SLC35D1: variants seen among roughly 807,000 people sequenced by gnomAD.
SLC35D1 encodes nucleotide sugar transporter SLC35D1.
In SLC35D1, 31 loss-of-function variants were observed where a neutral mutation model predicts 46.7. The ratio of observed to expected loss-of-function variants is 0.66; its 90% CI spans 0.50 to 0.90. The LOEUF (loss-of-function observed/expected upper bound fraction) is 0.90, where lower values mean the gene tolerates loss of function less well. SLC35D1 is among the 40% of genes least tolerant of loss of function. SLC35D1 has a pLI of 0.00. For missense variants in SLC35D1, 397 were observed against 426.2 expected (o/e 0.93, Z 0.60); for synonymous variants, 195 against 164.6 (o/e 1.18, Z -1.41).
chr1:67,021,390 C>A, intron 9 of SLC35D1, 145 bp downstream of exon 9: 1 of 865,044 alleles, frequency 1.2e-6, no homozygotes, highest in Non-Finnish European at 1.9e-6. Flanking sequence ...TTCCCAAGAG[C>A]TATGAAACCA....
At chr1:66,991,307 T>C in the SLC35D1 span, among the ~76,000 whole-genome samples, 1 of 152,188 alleles carries the variant, frequency 6.6e-6, no homozygotes, top group African/African-American at 2.4e-5. Context: ...CTAAAGCCTG[T>C]TGATTTGGGG....
chr1:67,018,658 A>G (rs1204247279), intron 10 of SLC35D1, among the ~76,000 whole-genome samples: 1 of 152,158 alleles, frequency 6.6e-6, no homozygotes, highest in African/African-American at 2.4e-5. Flanking sequence ...TCTACTTTCA[A>G]TGAGTTATCC....
intron 3 of SLC35D1, 65 bp downstream of exon 3, chr1:67,052,706 G>C: frequency 6.4e-7 from 1 of 1,550,702 alleles, no homozygotes; most frequent in South Asian, 1.1e-5. Context: ...GCAAGGCACT[G>C]ATAAAATATG....
At chr1:66,984,784 CCTGCCAAAAGG>C in the SLC35D1 span, 1 of 1,613,982 alleles carries the variant, frequency 6.2e-7, no homozygotes, top group Non-Finnish European at 8.5e-7. Flanking sequence ...AAGTGAGAGA[CCTGCCAAAAGG>C]CGAAGGGTAA....
rs1305065422 is a variant in SLC35D1 at position 67,003,764 on chromosome 1, G to A, written c.*576C>T. Reference sequence around the variant, plus strand: ...ACTCTGCTCATCCTATGAAAGTCAGGGAAGCCAACATAGATAGCAATACAC... The same window carrying A: ...ACTCTGCTCATCCTATGAAAGTCAGAGAAGCCAACATAGATAGCAATACAC... On this transcript the variant is annotated 3_prime_UTR_variant, in exon 12 of 12. Transcript: ENST00000235345. The A allele has an allele frequency of 1.3e-5, 2 of 156,686 alleles. No homozygotes were observed. The highest frequency in any genetic ancestry group is 2.8e-5 in the Non-Finnish European group (2 of 70,676). 9.7% of individuals were successfully genotyped at this position (156,686 alleles called of 1,614,324 possible).
In SLC35D1 at chr1:67,003,894, G is replaced by A; in HGVS notation, c.*446C>T. On this transcript the variant is annotated 3_prime_UTR_variant, in exon 12 of 12. Coordinates refer to ENST00000235345, the MANE Select transcript of SLC35D1 (RefSeq NM_015139.3). ...ATCATAAGAAATAAGATTCAAAGAA[G>A]AGAAATTTCACATATTCGTCTGCAT... The A allele has an allele frequency of 4.9e-6, 1 of 205,290 alleles. No individual in the cohort carries two copies. Among genetic ancestry groups the A allele is most frequent in the Non-Finnish European group, 1.0e-5 (1 of 100,124 alleles). The allele number at this position is 205,290 out of a possible 1,614,324, so 12.7% of individuals were successfully genotyped here.
At chr1:66,994,912 G>T (rs561307556), downstream of SLC35D1, among the ~76,000 whole-genome samples, 6 of 122,208 alleles carry the variant, frequency 4.9e-5, no homozygotes, top group Non-Finnish European at 8.8e-5. Flanking sequence ...ACACATTTAG[G>T]CAAAAAAAGA....
At position 67,000,278 on chromosome 1, in the gene SLC35D1, C is replaced by T. The variant is rs912372902; in HGVS notation, c.*4062G>A. 1.3e-5 allele frequency: 2 copies of T among 149,340 alleles called. No individual in the cohort carries two copies. Among genetic ancestry groups the T allele is most frequent in the Non-Finnish European group, 3.0e-5 (2 of 67,470 alleles). The allele number at this position is 149,340 out of a possible 1,614,324, so 9.3% of individuals were successfully genotyped here. ...CAGCCTGGCTGGCGACAGAGCAAGA[C>T]CTTCTTTCTTTTTTTTTTTTTTTTT... On this transcript the variant is annotated 3_prime_UTR_variant, in exon 12 of 12. Transcript: ENST00000235345.
chr1:67,006,041 G>C lies in SLC35D1; in HGVS notation c.960-1593C>G, dbSNP rs143633719. 3.3e-5 allele frequency among the ~76,000 whole-genome samples: 5 copies of C among 152,040 alleles called. No individual in the cohort carries two copies. The East Asian group carries it at 7.7e-4, about 24-fold the overall frequency. On this transcript the variant is annotated intron_variant, in intron 11 of 11. Transcript: ENST00000235345. Reference sequence around the variant, plus strand: ...TTCCCCCCCTTTCTGTGGAAAATGGGGTCTCGCTATATTGCCCAGGCAGGT... The same window carrying C: ...TTCCCCCCCTTTCTGTGGAAAATGGCGTCTCGCTATATTGCCCAGGCAGGT...
chr1:67,017,280 A>C (rs1312119429), intron 10 of SLC35D1, among the ~76,000 whole-genome samples: 1 of 152,182 alleles, frequency 6.6e-6, no homozygotes. Flanking sequence ...GAAGAAAAAA[A>C]TCATGTTTCA....
At chr1:67,045,430 G>C (rs59791533) in intron 7 of SLC35D1, among the ~76,000 whole-genome samples, 5,355 of 152,128 alleles carry the variant, frequency 0.035, 316 homozygotes, top group African/African-American at 0.12. Flanking sequence ...CAGTATTTCT[G>C]TCTTTTACAA....
chr1:67,050,550 G>C, intron 4 of SLC35D1, 46 bp from the exon 5 acceptor site: 1 of 1,499,044 alleles, frequency 6.7e-7, no homozygotes, highest in Non-Finnish European at 9.2e-7. Flanking sequence ...TTAACAATTT[G>C]TTTTAAACTA....
At chr1:66,987,238 C>CT in the SLC35D1 span, 1 of 152,720 alleles carries the variant, frequency 6.5e-6, no homozygotes, top group African/African-American at 2.4e-5. Flanking sequence ...AATGCAGCCA[C>CT]TATAACTTGA....
chr1:66,978,093 G>A, the SLC35D1 span, among the ~76,000 whole-genome samples: 1 of 151,616 alleles, frequency 6.6e-6, no homozygotes, highest in Admixed American at 6.6e-5. Flanking sequence ...CTACTCGGGA[G>A]ACTGAGGCAG....
intron 10 of SLC35D1, among the ~76,000 whole-genome samples, chr1:67,015,100 C>A (rs181860036): frequency 7.2e-6 from 1 of 139,044 alleles, no homozygotes; most frequent in African/African-American, 2.7e-5. Flanking sequence ...AAAGTATATT[C>A]CAAAAGGAAA....
At chr1:66,991,516 G>T in the SLC35D1 span, among the ~76,000 whole-genome samples, 25,108 of 152,160 alleles carry the variant, frequency 0.17, 2,459 homozygotes, top group Non-Finnish European at 0.2. Flanking sequence ...ACAAACTTAG[G>T]AAGTGTTTCT....
rs373301485 is a variant in SLC35D1 at position 67,042,083 on chromosome 1, G to A, written c.729+153C>T. ...TCCAATGTTTACGCCAAGAAAAGAG[G>A]TTAGCATGACATTAGCAATTTAAAG... On this transcript the variant is annotated intron_variant, in intron 8 of 11. Coordinates refer to ENST00000235345, the MANE Select transcript of SLC35D1 (RefSeq NM_015139.3). Among the ~76,000 whole-genome samples the A allele has an allele frequency of 3.9e-5, 6 of 152,306 alleles. No homozygotes were observed. In the East Asian group the frequency reaches 9.6e-4, roughly 24 times the overall value.
At chr1:66,984,268 T>C in the SLC35D1 span, among the ~76,000 whole-genome samples, 1 of 152,224 alleles carries the variant, frequency 6.6e-6, no homozygotes, top group Non-Finnish European at 1.5e-5. Flanking sequence ...ATACCTAATA[T>C]GCTTTTAACA....
chr1:66,984,491 A>G, the SLC35D1 span: 81 of 1,018,880 alleles, frequency 7.9e-5, no homozygotes, highest in Non-Finnish European at 1.1e-4. Context: ...CTTGATAACA[A>G]TAACTACAAG....
Sources: gnomAD v4.1 joint callset for allele counts (sites outside exome capture counted in the v4.1 genomes callset) on GRCh38, gnomAD v4.1.1 for gene constraint, MANE v1.5 for transcripts, NCBI Gene and HGNC (gene_info 2026-07-23, HGNC 2026-07-21) for gene names.